The following GALK2 variants were observed in gnomAD, a reference collection of about 807,000 sequenced individuals.
GALK2 encodes galactokinase 2, also known as N-acetylgalactosamine kinase.
GALK2 carries 36 observed loss-of-function variants against 52.4 expected under a neutral mutation model. The ratio of observed to expected loss-of-function variants is 0.69; its 90% CI spans 0.53 to 0.91. GALK2 has a LOEUF of 0.91. Ranked by LOEUF, GALK2 falls within the 40% of genes least tolerant of loss-of-function variation. The pLI is 0.00. For missense variants in GALK2, 579 were observed against 559.1 expected (o/e 1.04, Z -0.36); for synonymous variants, 176 against 199.1 (o/e 0.88, Z 0.98).
intron 2 of GALK2, among the ~76,000 whole-genome samples, chr15:49,206,370 T>C (rs1433208545): frequency 6.6e-6 from 1 of 151,934 alleles, no homozygotes; most frequent in African/African-American, 2.4e-5. Context: ...AGAATGATGG[T>C]GGTATTTTGA....
chr15:49,161,117 T>G (rs1273084179), intron 1 of GALK2, among the ~76,000 whole-genome samples: 1 of 152,240 alleles, frequency 6.6e-6, no homozygotes, highest in Non-Finnish European at 1.5e-5. Context: ...GATTTACATT[T>G]AAATATATTG....
In GALK2 at chr15:49,331,663, C is replaced by A; in HGVS notation, c.*3504C>A. 2 of 658,934 alleles carry A rather than the reference C, an allele frequency of 3.0e-6. No individual in the cohort carries two copies. The highest frequency in any genetic ancestry group is 5.4e-5 in the East Asian group (2 of 37,366). 40.8% of individuals were successfully genotyped at this position (658,934 alleles called of 1,614,324 possible). On this transcript the variant is annotated 3_prime_UTR_variant, in exon 10 of 10. Coordinates refer to ENST00000560031, the MANE Select transcript of GALK2 (RefSeq NM_002044.4). ...AGATGATTAAGTAACAAGAATGTAT[C>A]CTCTCCTGCCACTGTAATTTGGGTG...
At chr15:49,192,995 ACCTTT>A (rs1566922459) in intron 1 of GALK2, among the ~76,000 whole-genome samples, 7 of 126,720 alleles carry the variant, frequency 5.5e-5, no homozygotes, top group Admixed American at 8.0e-5. Context: ...TTCTGTTTAT[ACCTTT>A]TTTTTTTTTT....
intron 8 of GALK2, among the ~76,000 whole-genome samples, chr15:49,296,964 A>T (rs907384905): frequency 1.3e-5 from 2 of 152,174 alleles, no homozygotes; most frequent in African/African-American, 4.8e-5. Flanking sequence ...GGGATTGCTG[A>T]GTTGAATGGT....
intron 3 of GALK2, among the ~76,000 whole-genome samples, chr15:49,355,964 C>T (rs2043088467): frequency 1.3e-5 from 2 of 151,326 alleles, no homozygotes; most frequent in Admixed American, 6.6e-5. Flanking sequence ...GAATTTTCAA[C>T]CCAGAATTTC....
chr15:49,233,590 T>C (rs1247019979), intron 3 of GALK2, among the ~76,000 whole-genome samples: 2 of 152,206 alleles, frequency 1.3e-5, no homozygotes, highest in Middle Eastern at 3.2e-3. Context: ...ACTTTCAAGA[T>C]GTCCTTTTAA....
At chr15:49,245,158 T>G (rs1337556163) in intron 5 of GALK2, among the ~76,000 whole-genome samples, 1 of 152,020 alleles carries the variant, frequency 6.6e-6, no homozygotes, top group Non-Finnish European at 1.5e-5. Context: ...AAAGGAAAGG[T>G]GGATGTAAGA....
downstream of GALK2, among the ~76,000 whole-genome samples, chr15:49,334,741 G>A (rs999452247): frequency 1.3e-5 from 2 of 152,110 alleles, no homozygotes; most frequent in African/African-American, 4.8e-5. Context: ...TCTTGGAGGT[G>A]CTCCTTGGAC....
chr15:49,182,987 G>T (rs1315696436), intron 1 of GALK2, among the ~76,000 whole-genome samples: 1 of 151,874 alleles, frequency 6.6e-6, no homozygotes, highest in Non-Finnish European at 1.5e-5. Flanking sequence ...TTTTTAACTT[G>T]ATGTGATCTG....
chr15:49,232,955 C>T (rs1314047132), intron 3 of GALK2, among the ~76,000 whole-genome samples: 1 of 152,202 alleles, frequency 6.6e-6, no homozygotes, highest in African/African-American at 2.4e-5. Flanking sequence ...GTCTTTTTCT[C>T]AGCCCTCCAA....
chr15:49,212,019 ACT>A (rs1415628634), intron 2 of GALK2, among the ~76,000 whole-genome samples: 1 of 151,466 alleles, frequency 6.6e-6, no homozygotes, highest in Non-Finnish European at 1.5e-5. Context: ...TGATGCCTTG[ACT>A]CTCTGCTATC....
At chr15:49,363,107 C>T (rs1270928662) in intron 3 of GALK2, among the ~76,000 whole-genome samples, 3 of 152,082 alleles carry the variant, frequency 2.0e-5, no homozygotes, top group Non-Finnish European at 4.4e-5. Flanking sequence ...GCTGTTCAAG[C>T]TCTTTTTTGG....
chr15:49,206,588 A>T (rs1595663260), intron 2 of GALK2, among the ~76,000 whole-genome samples: 1 of 150,324 alleles, frequency 6.7e-6, no homozygotes, highest in South Asian at 2.1e-4. Context: ...TTTTTTATTT[A>T]TTTATTTTTT....
At chr15:49,205,426 C>T (rs896994279) in intron 2 of GALK2, among the ~76,000 whole-genome samples, 1 of 152,160 alleles carries the variant, frequency 6.6e-6, no homozygotes, top group East Asian at 1.9e-4. Context: ...GCCATTCTTG[C>T]AGGAGTGAGG....
intron 3 of GALK2, among the ~76,000 whole-genome samples, chr15:49,231,913 G>A (rs1016379851): frequency 6.6e-6 from 1 of 152,214 alleles, no homozygotes. Flanking sequence ...TAGTGTTCAT[G>A]CACCTGCGGC....
intron 3 of GALK2, chr15:49,365,635 T>C (rs542454610): frequency 5.4e-6 from 6 of 1,103,126 alleles, no homozygotes; most frequent in East Asian, 4.7e-5. Context: ...AAATACATCA[T>C]AGAGGAGGAG....
At chr15:49,256,776 TTCCC>T (rs762197228) in intron 5 of GALK2, among the ~76,000 whole-genome samples, 2 of 152,252 alleles carry the variant, frequency 1.3e-5, no homozygotes, top group Non-Finnish European at 2.9e-5. Context: ...GTAAAGATGT[TTCCC>T]TCTAGACCAT....
intron 2 of GALK2, 98 bp downstream of exon 2, chr15:49,201,348 A>G: frequency 1.6e-6 from 1 of 643,534 alleles, no homozygotes; most frequent in Non-Finnish European, 2.6e-6. Context: ...CCCAAAATAG[A>G]ATATTTCACA....
intron 1 of GALK2, among the ~76,000 whole-genome samples, chr15:49,163,277 G>A (rs907666234): frequency 3.3e-5 from 5 of 152,134 alleles, no homozygotes; most frequent in Non-Finnish European, 5.9e-5. Flanking sequence ...TGTCATCTAT[G>A]TATCTTCTTT....
Sources: allele counts gnomAD v4.1 joint callset (sites outside exome capture counted in the v4.1 genomes callset), GRCh38; gene constraint gnomAD v4.1.1; transcripts MANE v1.5; gene names NCBI Gene and HGNC (gene_info 2026-07-23, HGNC 2026-07-21).